SH3BP4: variants seen among roughly 807,000 people sequenced by gnomAD.
SH3BP4 encodes SH3 domain-binding protein 4.
A neutral mutation model predicts 65.5 loss-of-function variants in SH3BP4; 33 were observed. The observed-to-expected ratio is 0.50, with a 90% CI of 0.38 to 0.67. The LOEUF (loss-of-function observed/expected upper bound fraction) is 0.67, where lower values mean the gene tolerates loss of function less well. Ranked by LOEUF, SH3BP4 falls within the 30% of genes least tolerant of loss-of-function variation. SH3BP4 has a pLI of 0.00. For synonymous variants in SH3BP4, 552 were observed against 545.5 expected (o/e 1.01, Z -0.17); for missense variants, 1,134 against 1,261.4 (o/e 0.90, Z 1.53).
intron 2 of SH3BP4, among the ~76,000 whole-genome samples, chr2:235,001,294 TAA>T (rs1269543902): frequency 6.6e-6 from 1 of 152,154 alleles, no homozygotes; most frequent in Non-Finnish European, 1.5e-5. Flanking sequence ...GGTAGTTTTC[TAA>T]AGAGAGGGTC....
chr2:235,007,799 G>T lies in SH3BP4; in HGVS notation c.-133+12423G>T, dbSNP rs566321443. On this transcript the variant is annotated intron_variant, in intron 2 of 5. Coordinates refer to ENST00000392011, the MANE Select transcript of SH3BP4 (RefSeq NM_014521.3). ...TTATGGGTAGTGCTGAGGAGGCAGG[G>T]TAGAGACACGGTTTGGCCATCAGCA... 7.1e-4 allele frequency among the ~76,000 whole-genome samples: 108 copies of T among 152,294 alleles called. 2 individuals are homozygous for T. In the South Asian group the frequency reaches 0.022, roughly 30 times the overall value.
intron 2 of SH3BP4, among the ~76,000 whole-genome samples, chr2:235,014,502 C>G (rs1694625940): frequency 1.3e-5 from 2 of 152,180 alleles, no homozygotes; most frequent in African/African-American, 4.8e-5. Flanking sequence ...GCCACCATAA[C>G]AAAGCACCAC....
At chr2:235,028,487 G>A (rs928341282) in intron 2 of SH3BP4, among the ~76,000 whole-genome samples, 1 of 152,194 alleles carries the variant, frequency 6.6e-6, no homozygotes, top group Non-Finnish European at 1.5e-5. Flanking sequence ...TCAGCCATTT[G>A]GCTCCCTTAA....
Position 235,014,283 on chromosome 2 carries a change from G to C in SH3BP4, c.-133+18907G>C, listed in dbSNP as rs539134529. On this transcript the variant is annotated intron_variant, in intron 2 of 5. Coordinates refer to ENST00000392011, the MANE Select transcript of SH3BP4 (RefSeq NM_014521.3). The stretch of plus-strand genomic sequence containing the variant: ...TCTTAGGAAAGTCCACTCAGCGAGC[G>C]TGGAGGCTGGCCGAGTTTTGTGGTG... Among the ~76,000 whole-genome samples the C allele has an allele frequency of 1.1e-4, 17 of 152,288 alleles. 1 individual carries two copies. In the East Asian group the frequency reaches 2.7e-3, roughly 24 times the overall value.
chr2:235,035,878 T>C lies in SH3BP4; in HGVS notation c.118+758T>C, dbSNP rs1489006669. On this transcript the variant is annotated intron_variant, in intron 3 of 5. Transcript: ENST00000392011. The surrounding 1 kb of genome is among the most constrained non-coding windows in gnomAD (Gnocchi z 5.0). ...GTTCAGTCTCTCTCACATGCTCCTT[T>C]GGGGCTTGGCAGTTGCGGTGACAGC... Among the ~76,000 whole-genome samples, 1 of 152,234 alleles carries C rather than the reference T, an allele frequency of 6.6e-6. No individual in the cohort carries two copies. Among genetic ancestry groups the C allele is most frequent in the Non-Finnish European group, 1.5e-5 (1 of 68,036 alleles).
At position 235,052,759 on chromosome 2, in the gene SH3BP4, C is replaced by T. The variant is rs762544359; in HGVS notation, c.2667+9C>T. 13 of 1,569,634 alleles carry T rather than the reference C, an allele frequency of 8.3e-6. No individual in the cohort carries two copies. The highest frequency in any genetic ancestry group is 3.7e-5 in the Admixed American group (2 of 54,460). The stretch of plus-strand genomic sequence containing the variant: ...GGGTTGTGGACAGCGAGGTGAGCAG[C>T]GGCTGAGCTTCGAGCTCACCGAGCC... On this transcript the variant is annotated intron_variant, in intron 5 of 5. Transcript: ENST00000392011. This position sits in a 1 kb window ranked among gnomAD's most constrained non-coding sequence, Gnocchi z 5.0.
chr2:235,001,573 A>G (rs970945284), intron 2 of SH3BP4, among the ~76,000 whole-genome samples: 1 of 152,154 alleles, frequency 6.6e-6, no homozygotes, highest in South Asian at 2.1e-4. Context: ...TTGCTTGCTT[A>G]CAGAACAGGG....
intron 2 of SH3BP4, among the ~76,000 whole-genome samples, chr2:235,014,671 G>A (rs1233403026): frequency 2.0e-5 from 3 of 152,072 alleles, no homozygotes; most frequent in African/African-American, 4.8e-5. Context: ...CTTGGCTTGC[G>A]GTTGGTCACC....
chr2:235,012,963 C>A (rs1437362351), intron 2 of SH3BP4, among the ~76,000 whole-genome samples: 1 of 152,196 alleles, frequency 6.6e-6, no homozygotes, highest in East Asian at 1.9e-4. Context: ...GGCTGGAGGC[C>A]GGACGCCGAA....
intron 1 of SH3BP4, among the ~76,000 whole-genome samples, chr2:234,953,786 T>G (rs1445959787): frequency 6.6e-6 from 1 of 152,084 alleles, no homozygotes; most frequent in Non-Finnish European, 1.5e-5. Flanking sequence ...ACTCCAGGAA[T>G]GTCCAGTGGA....
In SH3BP4 at chr2:234,974,609, C is replaced by T. The variant is rs13401589; in HGVS notation, c.-206-20694C>T. Among the ~76,000 whole-genome samples, 4,270 of 152,276 alleles carry T rather than the reference C, an allele frequency of 0.028. 178 individuals are homozygous for T. Among genetic ancestry groups the T allele is most frequent in the African/African-American group, 0.097 (4,012 of 41,540 alleles). On this transcript the variant is annotated intron_variant, in intron 1 of 5. Coordinates refer to ENST00000392011, the MANE Select transcript of SH3BP4 (RefSeq NM_014521.3). This position sits in a 1 kb window ranked among gnomAD's most constrained non-coding sequence, Gnocchi z 4.6. ...TTCTTGCCTTAGTGTTAGGCTGGCG[C>T]GGGCCTTCTGGTGCTCAGGGCCCCC...
rs1012585362 is a variant in SH3BP4, at chr2:235,014,843, A to G, written c.-133+19467A>G. Among the ~76,000 whole-genome samples, 11 of 152,216 alleles carry G rather than the reference A, an allele frequency of 7.2e-5. 1 individual carries two copies. The highest frequency in any genetic ancestry group is 1.3e-4 in the Non-Finnish European group (9 of 68,030). ...AGACCTTCTTTCCAAAGACAGTCAC[A>G]TTTACAGCTACTGGGGATGAGGACT... On this transcript the variant is annotated intron_variant, in intron 2 of 5. Coordinates refer to ENST00000392011, the MANE Select transcript of SH3BP4 (RefSeq NM_014521.3).
chr2:235,053,546 T>G (rs778075606), intron 5 of SH3BP4, 46 bp from the exon 6 acceptor site: 8 of 1,464,096 alleles, frequency 5.5e-6, no homozygotes, highest in Non-Finnish European at 5.7e-6. Flanking sequence ...CTCCTAATCT[T>G]TCTTCCTCTC....
At chr2:235,014,803 CT>C (rs779138820) in intron 2 of SH3BP4, among the ~76,000 whole-genome samples, 17 of 152,204 alleles carry the variant, frequency 1.1e-4, no homozygotes, top group Non-Finnish European at 1.9e-4. Context: ...TTCATCTTAA[CT>C]TGATCATCTG....
chr2:235,024,373 C>G (rs1394987452), intron 2 of SH3BP4, among the ~76,000 whole-genome samples: 1 of 152,184 alleles, frequency 6.6e-6, no homozygotes, highest in African/African-American at 2.4e-5. Context: ...TCAGCAGATC[C>G]ACTGGGTGGG....
intron 1 of SH3BP4, among the ~76,000 whole-genome samples, chr2:234,962,146 G>T (rs1474714420): frequency 6.6e-6 from 1 of 152,010 alleles, no homozygotes; most frequent in Non-Finnish European, 1.5e-5. Flanking sequence ...TCAGCTTTTG[G>T]TTTTTTTGGA....
chr2:235,038,299 TTA>T (rs1186347265), intron 3 of SH3BP4, among the ~76,000 whole-genome samples: 392 of 11,604 alleles, frequency 0.034, 13 homozygotes, highest in African/African-American at 0.071. Flanking sequence ...AATATATATA[TTA>T]TATATATATA....
rs1250695886 is a variant in SH3BP4, at chr2:234,976,442, A to G, written c.-206-18861A>G. Among the ~76,000 whole-genome samples the G allele has an allele frequency of 3.9e-5, 6 of 152,262 alleles. No homozygotes were observed. The East Asian group carries it at 9.6e-4, about 24-fold the overall frequency. On this transcript the variant is annotated intron_variant, in intron 1 of 5. Transcript: ENST00000392011. The surrounding 1 kb of genome is among the most constrained non-coding windows in gnomAD (Gnocchi z 4.7). ...TTAGGGGGTGACAGGGCCGGTGTGT[A>G]CCAGGTTAAGGTCTCTCTTGCATTT...
chr2:235,013,554 G>A (rs1029421984), intron 2 of SH3BP4, among the ~76,000 whole-genome samples: 4 of 152,160 alleles, frequency 2.6e-5, no homozygotes, highest in Non-Finnish European at 2.9e-5. Context: ...CGCTGCAGAC[G>A]AGTTGGGCCC....
Sources: allele counts gnomAD v4.1 joint callset (sites outside exome capture counted in the v4.1 genomes callset), GRCh38; gene constraint gnomAD v4.1.1; non-coding constraint Gnocchi (gnomAD v3.1); transcripts MANE v1.5; gene names NCBI Gene and HGNC (gene_info 2026-07-23, HGNC 2026-07-21).